Variants in CCSER1 observed in about 807,000 individuals in gnomAD.
The protein encoded by CCSER1 is coiled-coil serine rich protein 1.
Under a neutral mutation model 82.0 loss-of-function variants are expected in CCSER1, and 41 were observed. The ratio of observed to expected loss-of-function variants is 0.50; its 90% CI spans 0.39 to 0.65. The LOEUF (loss-of-function observed/expected upper bound fraction) is 0.65, where lower values mean the gene tolerates loss of function less well. CCSER1 is among the 30% of genes least tolerant of loss of function. The pLI, the probability that CCSER1 is intolerant of heterozygous loss-of-function variation, is 0.00. For synonymous variants in CCSER1, 414 were observed against 383.9 expected (o/e 1.08, Z -0.92); for missense variants, 1,119 against 1,064.2 (o/e 1.05, Z -0.72).
At chr4:90,846,797 C>T (rs1344911048) in intron 8 of CCSER1, among the ~76,000 whole-genome samples, 1 of 151,908 alleles carries the variant, frequency 6.6e-6, no homozygotes, top group Non-Finnish European at 1.5e-5. Context: ...ATTACAGGCA[C>T]GCCAGCACAC....
At chr4:90,831,827 G>C (rs1761147824) in intron 8 of CCSER1, among the ~76,000 whole-genome samples, 1 of 152,002 alleles carries the variant, frequency 6.6e-6, no homozygotes, top group African/African-American at 2.4e-5. Context: ...AATAAGAGAA[G>C]AGGAAAAAAT....
At chr4:91,543,261 C>T (rs1002253322) in intron 10 of CCSER1, among the ~76,000 whole-genome samples, 1 of 152,158 alleles carries the variant, frequency 6.6e-6, no homozygotes, top group African/African-American at 2.4e-5. Flanking sequence ...ATCCAATTTT[C>T]CAGTCTGTGT....
At chr4:90,272,901 G>A (rs1726823904) in intron 1 of CCSER1, among the ~76,000 whole-genome samples, 1 of 152,210 alleles carries the variant, frequency 6.6e-6, no homozygotes, top group Non-Finnish European at 1.5e-5. Flanking sequence ...TACTCGGGAG[G>A]CTGAGGCAGG....
At chr4:90,840,137 A>G (rs1190066319) in intron 8 of CCSER1, among the ~76,000 whole-genome samples, 1 of 152,138 alleles carries the variant, frequency 6.6e-6, no homozygotes, top group Non-Finnish European at 1.5e-5. Context: ...ATCTGCTATT[A>G]AAATGAACAT....
intron 9 of CCSER1, among the ~76,000 whole-genome samples, chr4:91,077,024 A>T (rs977953255): frequency 1.3e-5 from 2 of 152,148 alleles, no homozygotes; most frequent in South Asian, 2.1e-4. Context: ...AGCAATCTAC[A>T]CATACATAAT....
chr4:90,401,971 G>C (rs979018006), intron 4 of CCSER1, among the ~76,000 whole-genome samples: 4 of 152,190 alleles, frequency 2.6e-5, no homozygotes, highest in African/African-American at 9.6e-5. Context: ...TTGATGCAAT[G>C]CTGACTGAAG....
chr4:90,647,546 A>G (rs902044034), intron 6 of CCSER1, among the ~76,000 whole-genome samples: 3 of 152,188 alleles, frequency 2.0e-5, no homozygotes, highest in Non-Finnish European at 4.4e-5. Context: ...AAAGCATGCT[A>G]TGTATTTGTA....
intron 7 of CCSER1, among the ~76,000 whole-genome samples, chr4:90,770,687 T>C (rs1028069879): frequency 2.6e-5 from 4 of 152,134 alleles, no homozygotes; most frequent in Non-Finnish European, 5.9e-5. Context: ...ACTTTTTTTA[T>C]GCCAAATCTC....
intron 10 of CCSER1, among the ~76,000 whole-genome samples, chr4:91,376,265 C>T (rs1238596814): frequency 6.6e-6 from 1 of 152,110 alleles, no homozygotes; most frequent in African/African-American, 2.4e-5. Context: ...GTACAAGCAA[C>T]CTAAGAGTGT....
chr4:91,197,280 T>A (rs1245956915), intron 10 of CCSER1, among the ~76,000 whole-genome samples: 2 of 152,230 alleles, frequency 1.3e-5, no homozygotes, highest in African/African-American at 4.8e-5. Context: ...TGAAGCCTTA[T>A]GTGAATATAT....
chr4:90,942,782 T>C (rs1264079634), intron 9 of CCSER1, among the ~76,000 whole-genome samples: 4 of 151,368 alleles, frequency 2.6e-5, no homozygotes, highest in African/African-American at 7.3e-5. Context: ...AGAAAAGCAA[T>C]TATTGCAGCA....
At chr4:91,262,848 A>G (rs921738026) in intron 10 of CCSER1, among the ~76,000 whole-genome samples, 1 of 141,938 alleles carries the variant, frequency 7.0e-6, no homozygotes, top group South Asian at 2.2e-4. Context: ...GGCTCTTATC[A>G]TATGAAAAAA....
At chr4:91,367,951 C>G (rs1749755854) in intron 10 of CCSER1, among the ~76,000 whole-genome samples, 1 of 152,038 alleles carries the variant, frequency 6.6e-6, no homozygotes, top group Admixed American at 6.6e-5. Context: ...ATGTGTCTTA[C>G]TTTTTGAGTG....
intron 9 of CCSER1, among the ~76,000 whole-genome samples, chr4:91,036,151 C>T (rs931821237): frequency 6.6e-6 from 1 of 152,154 alleles, no homozygotes; most frequent in Non-Finnish European, 1.5e-5. Flanking sequence ...AAAAGTGCTA[C>T]AGTATATGAG....
intron 10 of CCSER1, among the ~76,000 whole-genome samples, chr4:91,480,345 T>A (rs896337768): frequency 6.6e-6 from 1 of 152,200 alleles, no homozygotes; most frequent in African/African-American, 2.4e-5. Flanking sequence ...TTGAACTAGT[T>A]CACAGTCCCA....
At chr4:91,469,403 G>A (rs1757138607) in intron 10 of CCSER1, among the ~76,000 whole-genome samples, 1 of 152,160 alleles carries the variant, frequency 6.6e-6, no homozygotes, top group Non-Finnish European at 1.5e-5. Flanking sequence ...CCCTAATAAT[G>A]CTTTTAAGGC....
chr4:90,380,001 T>G (rs942970167), intron 3 of CCSER1, among the ~76,000 whole-genome samples: 5 of 152,076 alleles, frequency 3.3e-5, no homozygotes, highest in Admixed American at 2.6e-4. Flanking sequence ...ACTCACTCAC[T>G]TTCCTAAGGA....
chr4:90,858,545 A>T (rs1171807381), intron 8 of CCSER1, among the ~76,000 whole-genome samples: 1 of 151,928 alleles, frequency 6.6e-6, no homozygotes, highest in African/African-American at 2.4e-5. Context: ...TGATTTGGAG[A>T]TAGTATTGCC....
intron 10 of CCSER1, among the ~76,000 whole-genome samples, chr4:91,411,513 T>TAC (rs1240602906): frequency 1.8e-4 from 23 of 130,574 alleles, no homozygotes; most frequent in African/African-American, 5.9e-4. Flanking sequence ...TATATATATA[T>TAC]ATATATATAT....
Sources: allele counts gnomAD v4.1 joint callset (sites outside exome capture counted in the v4.1 genomes callset), GRCh38; gene constraint gnomAD v4.1.1; transcripts MANE v1.5; gene names NCBI Gene and HGNC (gene_info 2026-07-23, HGNC 2026-07-21).